FCN1: variants seen among roughly 807,000 people sequenced by gnomAD.
FCN1 encodes the protein ficolin 1.
A neutral mutation model predicts 35.6 loss-of-function variants in FCN1; 42 were observed. That is an observed-to-expected ratio of 1.18 (90% CI 0.92 to 1.53). The LOEUF (loss-of-function observed/expected upper bound fraction) is 1.53. FCN1 is among the 40% of genes most tolerant of loss of function. FCN1 has a pLI of 0.00. For missense variants in FCN1, 439 were observed against 428.4 expected, an observed-to-expected ratio of 1.02 and a Z score of -0.22; for synonymous variants, 179 against 169.8, an observed-to-expected ratio of 1.05 and a Z score of -0.42.
In FCN1 at chr9:134,903,276, T is replaced by C. The variant is rs1488692236; in HGVS notation, c.*6522A>G. On this transcript the variant is annotated 3_prime_UTR_variant, in exon 9 of 9. Transcript: ENST00000371806. ...TCAGTTTATTAATCTATTTTTTATA[T>C]ATAGACTTTTCAGTAGACAACAGCA... Among the ~76,000 whole-genome samples the C allele has an allele frequency of 6.6e-6, 1 of 152,184 alleles. No homozygotes were observed. Among genetic ancestry groups the C allele is most frequent in the Admixed American group, 6.5e-5 (1 of 15,286 alleles).
intron 2 of FCN1, among the ~76,000 whole-genome samples, chr9:134,915,588 C>T (rs568307138): frequency 6.6e-5 from 10 of 152,268 alleles, no homozygotes; most frequent in East Asian, 3.9e-4. Flanking sequence ...GACCTGGCCC[C>T]GGACACCCAC....
chr9:134,915,492 G>C (rs1017119402), intron 2 of FCN1, among the ~76,000 whole-genome samples: 1 of 152,168 alleles, frequency 6.6e-6, no homozygotes, highest in Non-Finnish European at 1.5e-5. Flanking sequence ...TTCTTCTCCT[G>C]CCAGGGAAGG....
chr9:134,912,038 C>T (rs994171127), intron 7 of FCN1, among the ~76,000 whole-genome samples: 1 of 84,554 alleles, frequency 1.2e-5, no homozygotes, highest in African/African-American at 3.4e-5. Flanking sequence ...TGAAACTCAT[C>T]CCCTGCCCCA....
rs1156352468 is a variant in FCN1 at position 134,904,369 on chromosome 9, C to A, written c.*5429G>T. Among the ~76,000 whole-genome samples, 1 of 152,058 alleles carries A rather than the reference C, an allele frequency of 6.6e-6. No homozygotes were observed. The highest frequency in any genetic ancestry group is 1.5e-5 in the Non-Finnish European group (1 of 67,994). The stretch of plus-strand genomic sequence containing the variant: ...TCTGTATTTACAGTGCTAAAAGAAA[C>A]TAATTGGCAATATAGAAGTCTACAC... On this transcript the variant is annotated 3_prime_UTR_variant, in exon 9 of 9. Transcript: ENST00000371806.
In FCN1 at chr9:134,904,923, C is replaced by T. The variant is rs902671227; in HGVS notation, c.*4875G>A. Among the ~76,000 whole-genome samples, 4 of 152,002 alleles carry T rather than the reference C, an allele frequency of 2.6e-5. No individual in the cohort carries two copies. Among genetic ancestry groups the T allele is most frequent in the East Asian group, 1.9e-4 (1 of 5,198 alleles). On this transcript the variant is annotated 3_prime_UTR_variant, in exon 9 of 9. Transcript: ENST00000371806. ...TGTAAAAATGTGGTAAAAATGAATA[C>T]GGACTGCACAAAACAATACTAATAG... is the stretch of plus-strand genomic sequence containing the variant.
rs1305777185 is a variant in FCN1 at position 134,908,972 on chromosome 9, A to T, written c.*826T>A. The T allele has an allele frequency of 9.3e-6, 3 of 324,168 alleles. No homozygotes were observed. Among genetic ancestry groups the T allele is most frequent in the Non-Finnish European group, 1.8e-5 (3 of 165,662 alleles). 20.1% of individuals were successfully genotyped at this position (324,168 alleles called of 1,614,324 possible). A position where few individuals can be genotyped will look rare whatever the true frequency, so the allele number is the denominator to read the frequency against. On this transcript the variant is annotated 3_prime_UTR_variant, in exon 9 of 9. Coordinates refer to ENST00000371806, the MANE Select transcript of FCN1 (RefSeq NM_002003.5). ...TGATTTGAATGGAGTCACACTTGCCACATTCCCTTTGATGCTTCTTAGGTC... is the reference window on the plus strand; with the variant it reads ...TGATTTGAATGGAGTCACACTTGCCTCATTCCCTTTGATGCTTCTTAGGTC...
chr9:134,915,695 A>G (rs1449460439), intron 2 of FCN1, among the ~76,000 whole-genome samples: 1 of 152,210 alleles, frequency 6.6e-6, no homozygotes, highest in South Asian at 2.1e-4. Context: ...CTCCGCAGGC[A>G]TCATCTTGAA....
At chr9:134,914,021 G>T (rs1206627617) in intron 4 of FCN1, among the ~76,000 whole-genome samples, 2 of 152,202 alleles carry the variant, frequency 1.3e-5, no homozygotes, top group Admixed American at 1.3e-4. Context: ...CCCGGCTCCG[G>T]TTTTCATTTG....
rs1830947251 is a variant in FCN1 at position 134,905,890 on chromosome 9, CTTCTTCTTCTTCTTCTT to C, written c.*3891_*3907del. On this transcript the variant is annotated 3_prime_UTR_variant, in exon 9 of 9. Transcript: ENST00000371806. Reference sequence around the variant, plus strand: ...TCTTCTTCTTCTTCTTCTTCTTCTTCTTCTTCTTCTTCTTCTTCTTCTTCTTCTTCTTCTCCCTCTCC... The same window carrying C: ...TCTTCTTCTTCTTCTTCTTCTTCTTCCTTCTTCTTCTTCTTCTCCCTCTCC... 18 of 102,510 alleles carry C rather than the reference CTTCTTCTTCTTCTTCTT, an allele frequency of 1.8e-4. No individual in the cohort carries two copies. The highest frequency in any genetic ancestry group is 1.2e-3 in the African/African-American group (18 of 14,402). 6.4% of individuals were successfully genotyped at this position (102,510 alleles called of 1,614,324 possible).
In FCN1 at chr9:134,903,565, A is replaced by G. The variant is rs147393531; in HGVS notation, c.*6233T>C. Reference sequence around the variant, plus strand: ...GAAACTCTTAGAACTGAACTAAAATAGGTGAATTTTACTGTATTAAATTAT... The same window carrying G: ...GAAACTCTTAGAACTGAACTAAAATGGGTGAATTTTACTGTATTAAATTAT... On this transcript the variant is annotated 3_prime_UTR_variant, in exon 9 of 9. Transcript: ENST00000371806. Among the ~76,000 whole-genome samples the G allele has an allele frequency of 2.6e-5, 4 of 152,300 alleles. No individual in the cohort carries two copies. In the East Asian group the frequency reaches 7.7e-4, roughly 29 times the overall value.
chr9:134,908,913 G>C lies in FCN1; in HGVS notation c.*885C>G. On this transcript the variant is annotated 3_prime_UTR_variant, in exon 9 of 9. Coordinates refer to ENST00000371806, the MANE Select transcript of FCN1 (RefSeq NM_002003.5). ...ATTCTGCCCCTCTGGCCTTCCTTTG[G>C]TTCCCTTAGTGTCCTTCGGTAAGTG... The C allele has an allele frequency of 4.3e-6, 1 of 232,022 alleles. No individual in the cohort carries two copies. The highest frequency in any genetic ancestry group is 8.7e-6 in the Non-Finnish European group (1 of 115,288). 14.4% of individuals were successfully genotyped at this position (232,022 alleles called of 1,614,324 possible). A position where few individuals can be genotyped will look rare whatever the true frequency, so the allele number is the denominator to read the frequency against.
intron 3 of FCN1, 52 bp from the exon 4 acceptor site, chr9:134,914,472 G>C (rs768662855): frequency 7.0e-5 from 107 of 1,518,122 alleles, no homozygotes; most frequent in Non-Finnish European, 8.4e-5. Flanking sequence ...TGTGGGCCAC[G>C]GAAAGGCTGG....
rs892214515 is a variant in FCN1 at position 134,907,231 on chromosome 9, T to C, written c.*2567A>G. The C allele has an allele frequency of 5.3e-5, 8 of 152,176 alleles. No homozygotes were observed. The highest frequency in any genetic ancestry group is 1.4e-4 in the African/African-American group (6 of 41,430). 9.4% of individuals were successfully genotyped at this position (152,176 alleles called of 1,614,324 possible). On this transcript the variant is annotated 3_prime_UTR_variant, in exon 9 of 9. Transcript: ENST00000371806. The stretch of plus-strand genomic sequence containing the variant: ...AGGGACGAAAGTACTATCCCAATAG[T>C]GGATTTTGTGATGGACTAGAGATTG...
rs1265897974 is a variant in FCN1, at chr9:134,903,668, C to T, written c.*6130G>A. Among the ~76,000 whole-genome samples the T allele has an allele frequency of 6.6e-6, 1 of 152,000 alleles. No individual in the cohort carries two copies. Among genetic ancestry groups the T allele is most frequent in the Non-Finnish European group, 1.5e-5 (1 of 68,000 alleles). ...TGTCTAGCATTCAATCAAAACCCTC[C>T]AAGTGTGCCAAAAAACTAAGATTAA... On this transcript the variant is annotated 3_prime_UTR_variant, in exon 9 of 9. Transcript: ENST00000371806.
In FCN1 at chr9:134,914,718, C is replaced by G. The variant is rs2118941751; in HGVS notation, c.271+38G>C. On this transcript the variant is annotated intron_variant, in intron 3 of 8. Transcript: ENST00000371806. The stretch of plus-strand genomic sequence containing the variant: ...TTTCATTACAGACAGCTCCAAGGTC[C>G]CTGCTCAAGGCCTCCTCGCTGTCTG... 6.6e-6 allele frequency: 10 copies of G among 1,518,462 alleles called. 1 individual carries two copies. The highest frequency in any genetic ancestry group is 9.1e-6 in the Non-Finnish European group (10 of 1,098,908). The allele number at this position is 1,518,462 out of a possible 1,614,324, so 94.1% of individuals were successfully genotyped here. A position where few individuals can be genotyped will look rare whatever the true frequency, so the allele number is the denominator to read the frequency against.
At position 134,905,711 on chromosome 9, in the gene FCN1, C is replaced by G. The variant is rs1830935902; in HGVS notation, c.*4087G>C. Among the ~76,000 whole-genome samples, 1 of 151,624 alleles carries G rather than the reference C, an allele frequency of 6.6e-6. No homozygotes were observed. Among genetic ancestry groups the G allele is most frequent in the Non-Finnish European group, 1.5e-5 (1 of 67,920 alleles). On this transcript the variant is annotated 3_prime_UTR_variant, in exon 9 of 9. Coordinates refer to ENST00000371806, the MANE Select transcript of FCN1 (RefSeq NM_002003.5). ...ATGTTAGCCAGGATGGTCTTGATCT[C>G]CTGACCTTGTGATCCGCCCGCCTCG...
intron 1 of FCN1, 127 bp from the exon 2 acceptor site, chr9:134,916,588 G>T (rs1447205977): frequency 1.1e-6 from 1 of 927,588 alleles, no homozygotes; most frequent in Non-Finnish European, 1.7e-6. Context: ...AGATGTGATG[G>T]GGGGCAGAGC....
At chr9:134,912,714 G>T in intron 6 of FCN1, 99 bp from the exon 7 acceptor site, 1 of 1,517,724 alleles carries the variant, frequency 6.6e-7, no homozygotes, top group Non-Finnish European at 9.0e-7. Context: ...AGTTGGCAGA[G>T]CATCACAGGC....
intron 6 of FCN1, 32 bp downstream of exon 6, chr9:134,912,984 G>C (rs2070622): frequency 0.63 from 1,008,464 of 1,596,904 alleles, 323,083 homozygotes; most frequent in African/African-American, 0.87. Flanking sequence ...GGGACTCCCA[G>C]GCTGACCGCC....
Sources: allele counts gnomAD v4.1 joint callset (sites outside exome capture counted in the v4.1 genomes callset), GRCh38; gene constraint gnomAD v4.1.1; transcripts MANE v1.5; gene names NCBI Gene and HGNC (gene_info 2026-07-23, HGNC 2026-07-21).